KCNT2: variants seen among roughly 807,000 people sequenced by gnomAD.
KCNT2 encodes potassium channel subfamily T member 2.
KCNT2 carries 67 observed loss-of-function variants against 153.8 expected under a neutral mutation model. The observed-to-expected ratio is 0.44, with a 90% CI of 0.36 to 0.53. KCNT2 has a LOEUF of 0.53. Among genes scored for constraint, KCNT2 ranks in the 20% least tolerant of loss-of-function variants. The pLI, the probability that KCNT2 is intolerant of heterozygous loss-of-function variation, is 0.00. For synonymous variants in KCNT2, 500 were observed against 458.8 expected, an observed-to-expected ratio of 1.09 and a Z score of -1.15; for missense variants, 975 against 1,354.8, an observed-to-expected ratio of 0.72 and a Z score of 4.40.
chr1:196,569,430 T>C (rs1660505750), intron 1 of KCNT2, among the ~76,000 whole-genome samples: 1 of 152,202 alleles, frequency 6.6e-6, no homozygotes, highest in Non-Finnish European at 1.5e-5. Context: ...TTTGATAGTG[T>C]TATGTTGATT....
intron 22 of KCNT2, among the ~76,000 whole-genome samples, chr1:196,301,757 A>G (rs2147964190): frequency 6.6e-6 from 1 of 152,196 alleles, no homozygotes; most frequent in Non-Finnish European, 1.5e-5. Flanking sequence ...TTATTTATTT[A>G]GAGACATAGT....
chr1:196,551,981 A>G (rs1657965982), intron 1 of KCNT2, among the ~76,000 whole-genome samples: 1 of 151,572 alleles, frequency 6.6e-6, no homozygotes, highest in Non-Finnish European at 1.5e-5. Flanking sequence ...GAATCTGGTC[A>G]CTATATTAAA....
At chr1:196,383,496 A>G (rs1013357360) in intron 13 of KCNT2, among the ~76,000 whole-genome samples, 3 of 152,186 alleles carry the variant, frequency 2.0e-5, no homozygotes, top group African/African-American at 7.2e-5. Flanking sequence ...TTTGAATAAC[A>G]CTGCATTAGA....
At chr1:196,523,186 T>C (rs936952738) in intron 1 of KCNT2, among the ~76,000 whole-genome samples, 3 of 151,942 alleles carry the variant, frequency 2.0e-5, no homozygotes, top group African/African-American at 7.3e-5. Flanking sequence ...TAACACACAC[T>C]GCAAAGGTCT....
At chr1:196,232,537 T>C (rs1654044407) in intron 27 of KCNT2, among the ~76,000 whole-genome samples, 1 of 151,664 alleles carries the variant, frequency 6.6e-6, no homozygotes, top group African/African-American at 2.4e-5. Flanking sequence ...TCCACTGAAA[T>C]TTAATTATCT....
At chr1:196,301,651 C>T (rs558701458) in intron 22 of KCNT2, among the ~76,000 whole-genome samples, 1 of 152,118 alleles carries the variant, frequency 6.6e-6, no homozygotes, top group African/African-American at 2.4e-5. Context: ...CCTATAAATC[C>T]TACTTCTTAA....
intron 1 of KCNT2, among the ~76,000 whole-genome samples, chr1:196,584,488 G>A (rs1662437184): frequency 6.6e-6 from 1 of 152,010 alleles, no homozygotes; most frequent in African/African-American, 2.4e-5. Flanking sequence ...TGAAGGTGCT[G>A]GAAAATTTAT....
intron 8 of KCNT2, among the ~76,000 whole-genome samples, chr1:196,442,279 T>A (rs1436717333): frequency 6.6e-6 from 1 of 151,896 alleles, no homozygotes; most frequent in Admixed American, 6.6e-5. Context: ...TTCAATTTGT[T>A]ACTTCTTGCT....
chr1:196,500,194 G>C (rs1350448326), intron 1 of KCNT2, among the ~76,000 whole-genome samples: 1 of 147,156 alleles, frequency 6.8e-6, no homozygotes, highest in Admixed American at 6.8e-5. Flanking sequence ...AAGGGAGGGA[G>C]GGAAGGAGGG....
At chr1:196,477,246 C>A in intron 5 of KCNT2, among the ~76,000 whole-genome samples, 1 of 151,980 alleles carries the variant, frequency 6.6e-6, no homozygotes, top group South Asian at 2.1e-4. Flanking sequence ...AAATTTAGAA[C>A]TAAATAATAG....
chr1:196,547,953 G>T (rs958754105), intron 1 of KCNT2, among the ~76,000 whole-genome samples: 8 of 151,630 alleles, frequency 5.3e-5, no homozygotes, highest in South Asian at 4.2e-4. Flanking sequence ...TTCTGATCTG[G>T]TACGTCTATA....
At chr1:196,326,640 A>G in intron 19 of KCNT2, 77 bp downstream of exon 19, 1 of 745,090 alleles carries the variant, frequency 1.3e-6, no homozygotes, top group Non-Finnish European at 2.1e-6. Context: ...AGAATATTAC[A>G]GGCAATTATT....
At chr1:196,430,562 C>T (rs1011970581) in intron 8 of KCNT2, among the ~76,000 whole-genome samples, 3 of 151,926 alleles carry the variant, frequency 2.0e-5, no homozygotes, top group Admixed American at 6.6e-5. Flanking sequence ...CAATATAAGC[C>T]GATACGCTTC....
chr1:196,583,607 A>G (rs1432996634), intron 1 of KCNT2, among the ~76,000 whole-genome samples: 1 of 152,060 alleles, frequency 6.6e-6, no homozygotes, highest in Non-Finnish European at 1.5e-5. Context: ...AAAAGAAGGG[A>G]AGACTGTAAA....
chr1:196,238,164 C>T (rs1272739669), intron 26 of KCNT2, among the ~76,000 whole-genome samples: 3 of 151,962 alleles, frequency 2.0e-5, no homozygotes, highest in South Asian at 2.1e-4. Context: ...CAGTCAATAT[C>T]AACACCTAGC....
chr1:196,245,103 T>C (rs899727816), intron 26 of KCNT2, among the ~76,000 whole-genome samples: 5 of 152,130 alleles, frequency 3.3e-5, no homozygotes, highest in Non-Finnish European at 7.3e-5. Flanking sequence ...AACAATGTAA[T>C]ACTTTTACAA....
intron 21 of KCNT2, among the ~76,000 whole-genome samples, chr1:196,313,991 G>A (rs1426754526): frequency 6.6e-6 from 1 of 151,500 alleles, no homozygotes; most frequent in African/African-American, 2.4e-5. Flanking sequence ...CACATCTTCA[G>A]CTAGGTACTC....
At chr1:196,335,077 G>A (rs73065832) in intron 16 of KCNT2, among the ~76,000 whole-genome samples, 1,961 of 152,154 alleles carry the variant, frequency 0.013, 44 homozygotes, top group African/African-American at 0.045. Context: ...ATCTATTTAT[G>A]AAAAATTGAG....
chr1:196,507,083 A>C (rs1035951941), intron 1 of KCNT2, among the ~76,000 whole-genome samples: 5 of 152,120 alleles, frequency 3.3e-5, no homozygotes, highest in African/African-American at 1.2e-4. Context: ...GTGAAATCTA[A>C]ATGTTATTTT....
Sources: allele counts gnomAD v4.1 joint callset (sites outside exome capture counted in the v4.1 genomes callset), GRCh38; gene constraint gnomAD v4.1.1; transcripts MANE v1.5; gene names NCBI Gene and HGNC (gene_info 2026-07-23, HGNC 2026-07-21).